The following ADAMTS19 variants were observed in gnomAD, a reference collection of about 807,000 sequenced individuals.
ADAMTS19 encodes the protein ADAM metallopeptidase with thrombospondin type 1 motif 19.
ADAMTS19 carries 93 observed loss-of-function variants against 153.3 expected under a neutral mutation model. The ratio of observed to expected loss-of-function variants is 0.61; its 90% CI spans 0.51 to 0.72. The LOEUF is 0.72. ADAMTS19 is among the 30% of genes least tolerant of loss of function. ADAMTS19 has a pLI of 0.00. For synonymous variants in ADAMTS19, 600 were observed against 556.6 expected (o/e 1.08, Z -1.10); for missense variants, 1,482 against 1,552.1 (o/e 0.95, Z 0.76).
At chr5:129,713,065 A>C (rs1756553893) in intron 21 of ADAMTS19, among the ~76,000 whole-genome samples, 1 of 152,192 alleles carries the variant, frequency 6.6e-6, no homozygotes, top group African/African-American at 2.4e-5. Flanking sequence ...GGAATCTATA[A>C]TTTCATCTCC....
At chr5:129,502,983 T>G (rs948748889) in intron 2 of ADAMTS19, among the ~76,000 whole-genome samples, 8 of 152,166 alleles carry the variant, frequency 5.3e-5, no homozygotes, top group Non-Finnish European at 1.0e-4. Context: ...AGGGTCTGCT[T>G]GATTTTGAAG....
At chr5:129,482,744 TC>T (rs1750457616) in intron 2 of ADAMTS19, among the ~76,000 whole-genome samples, 2 of 152,186 alleles carry the variant, frequency 1.3e-5, no homozygotes, top group Admixed American at 6.6e-5. Flanking sequence ...TCCATGACCA[TC>T]CCTGCCATTC....
intron 21 of ADAMTS19, among the ~76,000 whole-genome samples, chr5:129,732,071 C>T (rs1757464496): frequency 6.6e-6 from 1 of 152,014 alleles, no homozygotes; most frequent in African/African-American, 2.4e-5. Flanking sequence ...ATGTATGAAA[C>T]CAAGAGACTT....
chr5:129,554,441 A>G (rs759020821), intron 7 of ADAMTS19, among the ~76,000 whole-genome samples: 26 of 152,096 alleles, frequency 1.7e-4, no homozygotes, highest in Non-Finnish European at 3.7e-4. Context: ...TCTATTCCCT[A>G]TATTTGCCTC....
At chr5:129,592,331 A>T (rs1750175945) in intron 7 of ADAMTS19, among the ~76,000 whole-genome samples, 2 of 147,736 alleles carry the variant, frequency 1.4e-5, no homozygotes, top group African/African-American at 5.1e-5. Context: ...GTGAGCCGAG[A>T]TCATGCCACT....
intron 7 of ADAMTS19, among the ~76,000 whole-genome samples, chr5:129,582,874 G>C (rs1749593024): frequency 6.6e-6 from 1 of 151,846 alleles, no homozygotes; most frequent in Non-Finnish European, 1.5e-5. Context: ...GCCCGGCCCA[G>C]TCTGTCTTTT....
At chr5:129,506,947 G>A (rs773266118) in intron 2 of ADAMTS19, among the ~76,000 whole-genome samples, 4 of 151,780 alleles carry the variant, frequency 2.6e-5, no homozygotes, top group Non-Finnish European at 5.9e-5. Context: ...ATGAAGTTGG[G>A]GTTTGGATAA....
chr5:129,636,002 T>C (rs1752517220), intron 10 of ADAMTS19, among the ~76,000 whole-genome samples: 1 of 152,162 alleles, frequency 6.6e-6, no homozygotes, highest in African/African-American at 2.4e-5. Context: ...GTTCAAGCAA[T>C]TCTCTTTCCC....
At chr5:129,528,720 CA>C in intron 6 of ADAMTS19, 43 bp downstream of exon 6, 1 of 1,482,558 alleles carries the variant, frequency 6.7e-7, no homozygotes, top group Admixed American at 2.0e-5. Flanking sequence ...CTAATTCAAT[CA>C]CTGCACTGTT....
chr5:129,668,709 G>A (rs932274415), intron 16 of ADAMTS19, among the ~76,000 whole-genome samples: 1 of 152,036 alleles, frequency 6.6e-6, no homozygotes, highest in South Asian at 2.1e-4. Flanking sequence ...AGGTTCCAAG[G>A]ATTAGGATGT....
Position 129,679,778 on chromosome 5 carries a change from G to C in ADAMTS19, c.2521G>C (p.Gly841Arg). The C allele has an allele frequency of 1.2e-6, 2 of 1,610,862 alleles. No homozygotes were observed. ...CCTCTTTATAGCTCTCCGAGATGCT[G>C]GCAAACAGTCTATTAATAGTGACTG... ...AHSYLALRDAGKQSINSDWKI... is the reference protein window; with the variant it reads ...AHSYLALRDARKQSINSDWKI... Residue 841 changes from glycine (G) to arginine (R), a missense_variant, in exon 17 of 23, where the codon GGC becomes CGC. Around this residue, in one of 2 missense-constraint regions of ADAMTS19, gnomAD observed 616 missense variants for 724.4 expected, o/e 0.85. Coordinates refer to ENST00000274487, the MANE Select transcript of ADAMTS19 (RefSeq NM_133638.6).
rs369783296 is a variant in ADAMTS19, at chr5:129,718,783, T to C, written c.3312+14392T>C. ...TGTTAACCTTGTTACAGATTGGCAC[T>C]TATCATTACAGATTATATCAGGTTC... On this transcript the variant is annotated intron_variant, in intron 21 of 22. Coordinates refer to ENST00000274487, the MANE Select transcript of ADAMTS19 (RefSeq NM_133638.6). Among the ~76,000 whole-genome samples the C allele has an allele frequency of 1.3e-4, 20 of 152,328 alleles. No individual in the cohort carries two copies. In the South Asian group the frequency reaches 2.7e-3, roughly 20 times the overall value.
Position 129,691,252 on chromosome 5 carries a change from GTTATT to G in ADAMTS19, c.2819-3456_2819-3452del, listed in dbSNP as rs749391156. On this transcript the variant is annotated intron_variant, in intron 18 of 22. Transcript: ENST00000274487. The stretch of plus-strand genomic sequence containing the variant: ...ATTCAATAGAGATGAATGCATAATG[GTTATT>G]TTATTTTATTTATAATTGTATTCAA... 3.6e-4 allele frequency among the ~76,000 whole-genome samples: 55 copies of G among 152,076 alleles called. 1 individual carries two copies. The highest frequency in any genetic ancestry group is 3.9e-4 in the Admixed American group (6 of 15,262).
At chr5:129,639,791 A>G (rs901574370) in intron 10 of ADAMTS19, among the ~76,000 whole-genome samples, 1 of 152,186 alleles carries the variant, frequency 6.6e-6, no homozygotes, top group African/African-American at 2.4e-5. Context: ...TCTTCTAAAG[A>G]AAAATCAACA....
chr5:129,465,292 A>G (rs1749815125), intron 2 of ADAMTS19, among the ~76,000 whole-genome samples: 2 of 151,676 alleles, frequency 1.3e-5, no homozygotes, highest in African/African-American at 4.9e-5. Flanking sequence ...ATCTTTGCTC[A>G]AAGTTAACAC....
intron 15 of ADAMTS19, among the ~76,000 whole-genome samples, chr5:129,663,084 C>A (rs557784982): frequency 2.0e-5 from 3 of 151,760 alleles, no homozygotes; most frequent in African/African-American, 7.3e-5. Flanking sequence ...TTAGTAGAGA[C>A]GGGGTTTCAC....
At chr5:129,596,525 C>G (rs375043509) in intron 7 of ADAMTS19, 34 bp from the exon 8 acceptor site, 14 of 1,384,426 alleles carry the variant, frequency 1.0e-5, no homozygotes, top group Non-Finnish European at 1.4e-5. Flanking sequence ...CATATTCATT[C>G]AGACATATAA....
intron 2 of ADAMTS19, among the ~76,000 whole-genome samples, chr5:129,482,329 G>T (rs1223401268): frequency 6.6e-6 from 1 of 151,912 alleles, no homozygotes; most frequent in Non-Finnish European, 1.5e-5. Context: ...AATCTGTCAA[G>T]GTATACAGAA....
intron 21 of ADAMTS19, among the ~76,000 whole-genome samples, chr5:129,714,440 A>AAG (rs1554109519): frequency 1.3e-5 from 2 of 149,122 alleles, no homozygotes; most frequent in African/African-American, 4.9e-5. Context: ...AAAAAAAAAA[A>AAG]AAAGAAAAAT....
Sources: gnomAD v4.1 joint callset for allele counts (sites outside exome capture counted in the v4.1 genomes callset) on GRCh38, gnomAD v4.1.1 for gene constraint, gnomAD v4.1.1 regional missense constraint, MANE v1.5 for transcripts, NCBI Gene and HGNC (gene_info 2026-07-23, HGNC 2026-07-21) for gene names.